The following COBL variants were observed in gnomAD, a reference collection of about 807,000 sequenced individuals.
COBL encodes cordon-bleu WH2 repeat protein.
Under a neutral mutation model 98.8 loss-of-function variants are expected in COBL, and 51 were observed. The ratio of observed to expected loss-of-function variants is 0.52; its 90% CI spans 0.41 to 0.65. The LOEUF is 0.65. COBL is among the 30% of genes least tolerant of loss of function. The pLI is 0.00. For missense variants in COBL, 1,617 were observed against 1,617.5 expected (o/e 1.00, Z 0.01); for synonymous variants, 634 against 651.7 (o/e 0.97, Z 0.41).
Position 51,029,089 on chromosome 7 carries a change from T to A in COBL, c.2007A>T (p.Gln669His), listed in dbSNP as rs375983016. The change falls in exon 10 of 13, where the codon CAA becomes CAT. Residue 669 changes from glutamine to histidine, a missense_variant. Around this residue, in one of 3 missense-constraint regions of COBL, gnomAD observed 1,304 missense variants for 1,282.0 expected, o/e 1.02. Transcript: ENST00000265136. Reference protein sequence around the residue: ...RTQATERVNSQPVNEKDSNDK... With the variant: ...RTQATERVNSHPVNEKDSNDK... ...CGTTGCTGTCCTTTTCATTCACCGG[T>A]TGGGAATTCACTCTCTCTGTGGCTT... The A allele has an allele frequency of 1.2e-6, 2 of 1,614,092 alleles. No individual in the cohort carries two copies. Among genetic ancestry groups the A allele is most frequent in the Non-Finnish European group, 1.7e-6 (2 of 1,180,040 alleles).
intron 1 of COBL, among the ~76,000 whole-genome samples, chr7:51,223,901 G>A (rs1311328901): frequency 1.3e-5 from 2 of 152,182 alleles, no homozygotes; most frequent in East Asian, 1.9e-4. Context: ...TCAATATGTA[G>A]CATAATGTAG....
At chr7:51,187,383 T>C (rs1789649646) in intron 4 of COBL, among the ~76,000 whole-genome samples, 1 of 151,906 alleles carries the variant, frequency 6.6e-6, no homozygotes, top group African/African-American at 2.4e-5. Context: ...TATATATACA[T>C]ATAAACATCT....
intron 1 of COBL, among the ~76,000 whole-genome samples, chr7:51,302,871 T>G (rs1802109482): frequency 1.3e-5 from 2 of 152,184 alleles, no homozygotes; most frequent in African/African-American, 4.8e-5. Context: ...CCAAGCACTG[T>G]TATCAGAGAG....
At chr7:51,217,340 CTTTT>C (rs937958755) in intron 2 of COBL, among the ~76,000 whole-genome samples, 1 of 127,710 alleles carries the variant, frequency 7.8e-6, no homozygotes. Context: ...TTTTCTTTTT[CTTTT>C]TTTTTTTTTT....
At chr7:51,293,202 T>C (rs564850953) in intron 1 of COBL, among the ~76,000 whole-genome samples, 1 of 152,348 alleles carries the variant, frequency 6.6e-6, no homozygotes, top group African/African-American at 2.4e-5. Flanking sequence ...CCTGGCAGTT[T>C]TGTAAAACAT....
At chr7:51,309,262 G>A (rs867243420) in intron 1 of COBL, among the ~76,000 whole-genome samples, 9 of 152,074 alleles carry the variant, frequency 5.9e-5, no homozygotes, top group East Asian at 1.9e-4. Flanking sequence ...ACGAAAGGAC[G>A]GGGTGCATCT....
chr7:51,145,558 T>C (rs1784949228), intron 5 of COBL, among the ~76,000 whole-genome samples: 1 of 150,722 alleles, frequency 6.6e-6, no homozygotes, highest in Non-Finnish European at 1.5e-5. Flanking sequence ...TTTGTGCTTT[T>C]AGTAGAGATG....
chr7:51,029,622 T>C (rs375259494), intron 9 of COBL, 31 bp from the exon 10 acceptor site: 1 of 1,543,742 alleles, frequency 6.5e-7, no homozygotes, highest in Non-Finnish European at 8.8e-7. Flanking sequence ...AAATCACAGA[T>C]GTTTCCCACA....
intron 6 of COBL, among the ~76,000 whole-genome samples, chr7:51,088,738 G>A (rs1385502178): frequency 6.6e-6 from 1 of 152,148 alleles, no homozygotes; most frequent in Non-Finnish European, 1.5e-5. Context: ...GGGGATCTGG[G>A]CAGAAATGCA....
intron 7 of COBL, among the ~76,000 whole-genome samples, chr7:51,070,061 G>C (rs759003878): frequency 1.3e-5 from 2 of 152,024 alleles, no homozygotes; most frequent in Non-Finnish European, 2.9e-5. Context: ...TAATAAGAAG[G>C]AAAAAGAAGG....
At chr7:51,196,328 T>G (rs1401586608) in intron 2 of COBL, among the ~76,000 whole-genome samples, 1 of 152,210 alleles carries the variant, frequency 6.6e-6, no homozygotes, top group Non-Finnish European at 1.5e-5. Context: ...TGAACCAACC[T>G]TACATCCCAG....
intron 7 of COBL, among the ~76,000 whole-genome samples, chr7:51,068,195 G>A (rs1192405818): frequency 6.6e-6 from 1 of 152,204 alleles, no homozygotes; most frequent in Non-Finnish European, 1.5e-5. Flanking sequence ...AAATTAAGTG[G>A]AGAAATTACC....
chr7:51,027,824 G>T lies in COBL; in HGVS notation c.3272C>A (p.Pro1091Gln), dbSNP rs753823896. The change falls in exon 10 of 13, where the codon CCG becomes CAG. Residue 1091 changes from proline to glutamine, a missense_variant. Transcript: ENST00000265136. Reference sequence around the variant, plus strand: ...GACAACAGGTTTGAATTTTTTCTTCGGCCCAAAAATGCTGGGTGGCCAAAT... The same window carrying T: ...GACAACAGGTTTGAATTTTTTCTTCTGCCCAAAAATGCTGGGTGGCCAAAT... ...DSIWPPSIFG[P>Q]KKKFKPVVQR... The T allele has an allele frequency of 1.2e-6, 2 of 1,614,156 alleles. No individual in the cohort carries two copies. Among genetic ancestry groups the T allele is most frequent in the East Asian group, 2.2e-5 (1 of 44,872 alleles).
At chr7:51,193,269 C>A in intron 3 of COBL, 110 bp downstream of exon 3, 1 of 955,422 alleles carries the variant, frequency 1.0e-6, no homozygotes, top group South Asian at 1.7e-5. Context: ...AAGTAGCAGC[C>A]TCAGCCACAG....
chr7:51,199,894 G>A lies in COBL; in HGVS notation c.246-6305C>T, dbSNP rs147561588. On this transcript the variant is annotated intron_variant, in intron 2 of 12. Transcript: ENST00000265136. ...GCAAAAATCTTCCCAACTCTACAGA[G>A]GGAAGTTGACATAAAGTCCTAAGAT... 7.3e-3 allele frequency among the ~76,000 whole-genome samples: 1,113 copies of A among 152,038 alleles called. 13 individuals carry two copies. The highest frequency in any genetic ancestry group is 0.026 in the African/African-American group (1,081 of 41,510).
At chr7:51,217,491 G>A (rs1404260994) in intron 2 of COBL, among the ~76,000 whole-genome samples, 1 of 151,694 alleles carries the variant, frequency 6.6e-6, no homozygotes, top group Non-Finnish European at 1.5e-5. Flanking sequence ...ACAGGCATGC[G>A]CCACCACGCC....
chr7:51,264,672 CAA>C (rs5884201), intron 1 of COBL, among the ~76,000 whole-genome samples: 49 of 48,368 alleles, frequency 1.0e-3, no homozygotes, highest in African/African-American at 2.6e-3. Context: ...CTCCATCTCC[CAA>C]AAAAAAAAAA....
chr7:51,046,335 C>T (rs1171442245), intron 7 of COBL, among the ~76,000 whole-genome samples: 1 of 152,114 alleles, frequency 6.6e-6, no homozygotes, highest in African/African-American at 2.4e-5. Context: ...GGGGAACTTT[C>T]CAGAGAAGCT....
intron 6 of COBL, among the ~76,000 whole-genome samples, chr7:51,102,767 A>G (rs1446512434): frequency 6.6e-6 from 1 of 152,216 alleles, no homozygotes; most frequent in Non-Finnish European, 1.5e-5. Flanking sequence ...TTGTTCATTC[A>G]TTCACATGTG....
Sources: allele counts gnomAD v4.1 joint callset (sites outside exome capture counted in the v4.1 genomes callset), GRCh38; gene constraint gnomAD v4.1.1; regional missense constraint gnomAD v4.1.1; transcripts MANE v1.5; gene names NCBI Gene and HGNC (gene_info 2026-07-23, HGNC 2026-07-21).